Variants in DLG2 observed in about 807,000 individuals in gnomAD.
DLG2 encodes the protein discs large MAGUK scaffold protein 2.
Under a neutral mutation model 132.5 loss-of-function variants are expected in DLG2, and 45 were observed. The ratio of observed to expected loss-of-function variants is 0.34; its 90% CI spans 0.27 to 0.44. The LOEUF (loss-of-function observed/expected upper bound fraction) is 0.44, where lower values mean the gene tolerates loss of function less well. Ranked by LOEUF, DLG2 falls within the 20% of genes least tolerant of loss-of-function variation. The pLI is 1.00. For missense variants in DLG2, 1,045 were observed against 1,196.9 expected (o/e 0.87, Z 1.87); for synonymous variants, 424 against 419.6 (o/e 1.01, Z -0.13).
intron 9 of DLG2, among the ~76,000 whole-genome samples, chr11:84,127,183 C>T (rs1466888328): frequency 6.6e-6 from 1 of 152,144 alleles, no homozygotes; most frequent in Non-Finnish European, 1.5e-5. Context: ...GAAGGTAAGT[C>T]TGCATGACTT....
chr11:84,126,223 T>C (rs1566614701), intron 9 of DLG2, among the ~76,000 whole-genome samples: 2 of 152,114 alleles, frequency 1.3e-5, no homozygotes, highest in African/African-American at 2.4e-5. Flanking sequence ...GTCAGGAGAA[T>C]TAGTATAGTT....
rs577830377 is a variant in DLG2 at position 84,568,654 on chromosome 11, A to G, written c.358-33923T>C. 4.6e-5 allele frequency among the ~76,000 whole-genome samples: 7 copies of G among 152,264 alleles called. 1 individual carries two copies. In the South Asian group the frequency reaches 1.2e-3, roughly 27 times the overall value. ...CCCAGCCTTAGATCCTACCCCAACA[A>G]ACCTGCCCAGGCAAAGAGACTCCCA... On this transcript the variant is annotated intron_variant, in intron 6 of 27. Transcript: ENST00000376104.
At chr11:83,839,400 T>C (rs181931838) in intron 16 of DLG2, among the ~76,000 whole-genome samples, 56 of 152,358 alleles carry the variant, frequency 3.7e-4, no homozygotes, top group African/African-American at 1.3e-3. Flanking sequence ...TTAAATTTCT[T>C]ATCCTAATAA....
At chr11:85,623,174 A>C (rs565643682) in intron 2 of DLG2, among the ~76,000 whole-genome samples, 1 of 152,316 alleles carries the variant, frequency 6.6e-6, no homozygotes. Context: ...TACATGATAA[A>C]AATGTTTATA....
intron 4 of DLG2, among the ~76,000 whole-genome samples, chr11:85,188,691 T>G (rs1361841911): frequency 2.6e-5 from 4 of 152,150 alleles, no homozygotes; most frequent in Non-Finnish European, 5.9e-5. Context: ...TAAGTGGAAA[T>G]TCTGAAGTAT....
In DLG2 at chr11:83,807,607, A is replaced by G. The variant is rs550971620; in HGVS notation, c.1723-20815T>C. Among the ~76,000 whole-genome samples the G allele has an allele frequency of 2.0e-4, 31 of 152,288 alleles. No individual in the cohort carries two copies. The South Asian group carries it at 6.2e-3, about 31-fold the overall frequency. On this transcript the variant is annotated intron_variant, in intron 17 of 27. Coordinates refer to ENST00000376104, the MANE Select transcript of DLG2 (RefSeq NM_001142699.3). ...GGGGAAAAGCGAATCAGGAGAACAG[A>G]AAAGAAAAGGAGAGAGGGAATAAAG... is the stretch of plus-strand genomic sequence containing the variant.
At chr11:85,011,489 A>C (rs1313242033) in intron 6 of DLG2, among the ~76,000 whole-genome samples, 1 of 152,180 alleles carries the variant, frequency 6.6e-6, no homozygotes, top group Non-Finnish European at 1.5e-5. Context: ...CCTATTTAAC[A>C]CTTAGTCAAG....
At chr11:84,075,425 A>G (rs1442844596) in intron 10 of DLG2, among the ~76,000 whole-genome samples, 1 of 152,202 alleles carries the variant, frequency 6.6e-6, no homozygotes, top group Non-Finnish European at 1.5e-5. Flanking sequence ...CTAAGCAAAG[A>G]GTTGAATAAA....
At chr11:83,705,368 C>T (rs977950397) in intron 18 of DLG2, among the ~76,000 whole-genome samples, 1 of 152,112 alleles carries the variant, frequency 6.6e-6, no homozygotes, top group South Asian at 2.1e-4. Context: ...TCTGAATTTT[C>T]CATATAGCTG....
At chr11:85,532,790 C>T (rs1411321867) in intron 3 of DLG2, among the ~76,000 whole-genome samples, 1 of 151,990 alleles carries the variant, frequency 6.6e-6, no homozygotes, top group East Asian at 1.9e-4. Flanking sequence ...GATAACTAAC[C>T]CTGGTTTTTA....
At chr11:85,607,757 C>A (rs2080684447) in intron 2 of DLG2, among the ~76,000 whole-genome samples, 1 of 152,156 alleles carries the variant, frequency 6.6e-6, no homozygotes, top group Non-Finnish European at 1.5e-5. Flanking sequence ...ATATGGGGAG[C>A]CTCAGAAATT....
At chr11:84,937,014 T>C (rs1475358401) in intron 6 of DLG2, among the ~76,000 whole-genome samples, 1 of 152,038 alleles carries the variant, frequency 6.6e-6, no homozygotes, top group Non-Finnish European at 1.5e-5. Flanking sequence ...TAGCCAGGTG[T>C]GGTGGCAGAT....
At chr11:83,947,533 A>C (rs2084352237) in intron 14 of DLG2, among the ~76,000 whole-genome samples, 1 of 152,176 alleles carries the variant, frequency 6.6e-6, no homozygotes, top group Non-Finnish European at 1.5e-5. Context: ...CAGCTAGCTC[A>C]ACTATCATCA....
At chr11:83,824,502 CAAAT>C (rs1458684811) in intron 17 of DLG2, among the ~76,000 whole-genome samples, 1 of 151,964 alleles carries the variant, frequency 6.6e-6, no homozygotes. Context: ...TTACTTCCGT[CAAAT>C]AAAATACTTG....
At chr11:83,829,197 CTT>C (rs5793089) in intron 17 of DLG2, among the ~76,000 whole-genome samples, 5,230 of 119,334 alleles carry the variant, frequency 0.044, 70 homozygotes, top group Middle Eastern at 0.073. Flanking sequence ...TTTTATTTAG[CTT>C]TTTTTTTTTT....
At chr11:84,597,955 T>C (rs371458871) in intron 6 of DLG2, among the ~76,000 whole-genome samples, 85 of 152,318 alleles carry the variant, frequency 5.6e-4, no homozygotes, top group African/African-American at 2.0e-3. Flanking sequence ...ACCATGAGAA[T>C]AGTGCTTAAT....
At position 85,607,792 on chromosome 11, in the gene DLG2, A is replaced by C. The variant is rs189492140; in HGVS notation, c.-92-9004T>G. ...TGTATCCTTCCTATTCATATAAGTG[A>C]AGATAAAAGGCATCAGTCTTCCAAT... is the stretch of plus-strand genomic sequence containing the variant. On this transcript the variant is annotated intron_variant, in intron 2 of 27. Transcript: ENST00000376104. Among the ~76,000 whole-genome samples the C allele has an allele frequency of 3.0e-4, 45 of 152,278 alleles. 1 individual carries two copies. In the East Asian group the frequency reaches 8.5e-3, roughly 29 times the overall value.
At chr11:84,023,976 A>G (rs1157622804) in intron 11 of DLG2, among the ~76,000 whole-genome samples, 1 of 152,156 alleles carries the variant, frequency 6.6e-6, no homozygotes, top group Non-Finnish European at 1.5e-5. Context: ...TATAATACAT[A>G]TAACATACAA....
intron 6 of DLG2, among the ~76,000 whole-genome samples, chr11:84,623,832 A>G (rs2099617883): frequency 6.6e-6 from 1 of 152,112 alleles, no homozygotes; most frequent in African/African-American, 2.4e-5. Flanking sequence ...CAATGAGAAT[A>G]TTTTTTCTCT....
Sources: gnomAD v4.1 joint callset for allele counts (sites outside exome capture counted in the v4.1 genomes callset) on GRCh38, gnomAD v4.1.1 for gene constraint, MANE v1.5 for transcripts, NCBI Gene and HGNC (gene_info 2026-07-23, HGNC 2026-07-21) for gene names.